The following GALNTL6 variants were observed in gnomAD, a reference collection of about 807,000 sequenced individuals.
GALNTL6 encodes the protein polypeptide N-acetylgalactosaminyltransferase like 6.
In GALNTL6, 46 loss-of-function variants were observed where a neutral mutation model predicts 73.7. The ratio of observed to expected loss-of-function variants is 0.62; its 90% confidence interval spans 0.49 to 0.80. The LOEUF (loss-of-function observed/expected upper bound fraction) is 0.80. Ranked by LOEUF, GALNTL6 falls within the 30% of genes least tolerant of loss-of-function variation. The pLI, the probability that GALNTL6 is intolerant of heterozygous loss-of-function variation, is 0.00. For synonymous variants in GALNTL6, 259 were observed against 263.7 expected, an observed-to-expected ratio of 0.98 and a Z score of 0.17; for missense variants, 604 against 755.0, an observed-to-expected ratio of 0.80 and a Z score of 2.34.
intron 10 of GALNTL6, among the ~76,000 whole-genome samples, chr4:172,994,248 A>C (rs997618711): frequency 2.0e-5 from 3 of 152,204 alleles, no homozygotes; most frequent in Non-Finnish European, 4.4e-5. Context: ...AGAAAATATC[A>C]ATCAGTTTTC....
chr4:172,749,201 A>G (rs925504280), intron 5 of GALNTL6, among the ~76,000 whole-genome samples: 1 of 152,114 alleles, frequency 6.6e-6, no homozygotes, highest in African/African-American at 2.4e-5. Flanking sequence ...CAAAAAAGGT[A>G]ATCATGTATG....
At chr4:172,022,555 T>G (rs1286130304) in intron 2 of GALNTL6, among the ~76,000 whole-genome samples, 1 of 152,072 alleles carries the variant, frequency 6.6e-6, no homozygotes, top group Non-Finnish European at 1.5e-5. Flanking sequence ...TTCTTTGTCT[T>G]CTTTAATCTC....
chr4:172,340,803 T>TG (rs1741532448), intron 4 of GALNTL6, among the ~76,000 whole-genome samples: 1 of 152,220 alleles, frequency 6.6e-6, no homozygotes, highest in Non-Finnish European at 1.5e-5. Flanking sequence ...CCTATATGAA[T>TG]GATAGGTATT....
At chr4:171,829,873 G>A (rs970066095) in intron 2 of GALNTL6, among the ~76,000 whole-genome samples, 5 of 151,956 alleles carry the variant, frequency 3.3e-5, no homozygotes, top group Non-Finnish European at 5.9e-5. Context: ...AATGGTTATC[G>A]CAAATGTAAT....
intron 11 of GALNTL6, among the ~76,000 whole-genome samples, chr4:173,016,430 A>G: frequency 6.6e-6 from 1 of 152,266 alleles, no homozygotes; most frequent in East Asian, 1.9e-4. Flanking sequence ...ACAGGGGCAG[A>G]GCTGTCCAAG....
intron 5 of GALNTL6, among the ~76,000 whole-genome samples, chr4:172,386,607 G>A (rs1339536475): frequency 1.3e-5 from 2 of 152,148 alleles, no homozygotes; most frequent in Non-Finnish European, 2.9e-5. Flanking sequence ...AACCAGAGAA[G>A]TAAGCATCAT....
intron 7 of GALNTL6, among the ~76,000 whole-genome samples, chr4:172,832,074 C>T (rs773281396): frequency 4.6e-5 from 7 of 152,106 alleles, no homozygotes; most frequent in Non-Finnish European, 7.3e-5. Flanking sequence ...TCACAGCTTT[C>T]GGCAAGGATA....
At chr4:172,819,871 G>T (rs2111019024) in intron 7 of GALNTL6, among the ~76,000 whole-genome samples, 1 of 152,214 alleles carries the variant, frequency 6.6e-6, no homozygotes, top group South Asian at 2.1e-4. Context: ...AGTGGTTAAG[G>T]AATAATCATA....
intron 5 of GALNTL6, among the ~76,000 whole-genome samples, chr4:172,767,933 G>T (rs908272902): frequency 6.6e-6 from 1 of 152,002 alleles, no homozygotes; most frequent in Non-Finnish European, 1.5e-5. Flanking sequence ...CTCCCAAAGT[G>T]CTGGGATTAC....
chr4:172,341,774 G>A (rs1291286750), intron 4 of GALNTL6, among the ~76,000 whole-genome samples: 1 of 152,062 alleles, frequency 6.6e-6, no homozygotes, highest in Admixed American at 6.5e-5. Flanking sequence ...CCAACCATAC[G>A]GAACAGTAAG....
At chr4:171,931,001 A>G (rs1461704650) in intron 2 of GALNTL6, among the ~76,000 whole-genome samples, 4 of 152,228 alleles carry the variant, frequency 2.6e-5, no homozygotes, top group Admixed American at 2.6e-4. Flanking sequence ...CTTTAGTGGG[A>G]ATCTCTTGAG....
chr4:172,255,498 T>G (rs1453804891), intron 3 of GALNTL6, among the ~76,000 whole-genome samples: 2 of 151,582 alleles, frequency 1.3e-5, no homozygotes, highest in African/African-American at 4.8e-5. Flanking sequence ...TTTACTCCAA[T>G]TAATAACTAG....
intron 5 of GALNTL6, among the ~76,000 whole-genome samples, chr4:172,626,425 C>A (rs193220992): frequency 7.5e-4 from 114 of 151,974 alleles, no homozygotes; most frequent in African/African-American, 2.2e-3. Context: ...TTATAGTATA[C>A]TTGGAAGTCT....
intron 5 of GALNTL6, among the ~76,000 whole-genome samples, chr4:172,705,653 C>A (rs1734305886): frequency 6.6e-6 from 1 of 151,884 alleles, no homozygotes; most frequent in Non-Finnish European, 1.5e-5. Context: ...TTGAAGAACT[C>A]CCTTTAGCAT....
chr4:172,386,916 G>A (rs149531161), intron 5 of GALNTL6, among the ~76,000 whole-genome samples: 2 of 152,246 alleles, frequency 1.3e-5, no homozygotes, highest in African/African-American at 4.8e-5. Flanking sequence ...ACCTGGAGAA[G>A]CCCAACCATT....
At chr4:172,980,100 A>G (rs1751001356) in intron 10 of GALNTL6, among the ~76,000 whole-genome samples, 1 of 152,194 alleles carries the variant, frequency 6.6e-6, no homozygotes, top group Non-Finnish European at 1.5e-5. Context: ...GGCCGTATTG[A>G]CTACATCTCC....
intron 3 of GALNTL6, among the ~76,000 whole-genome samples, chr4:172,272,077 C>T (rs13124902): frequency 0.34 from 52,047 of 151,750 alleles, 8,969 homozygotes; most frequent in Non-Finnish European, 0.38. Flanking sequence ...TTCAGCCTCC[C>T]GAGTAGTTGG....
At chr4:171,920,953 G>A (rs1190147472) in intron 2 of GALNTL6, among the ~76,000 whole-genome samples, 2 of 151,960 alleles carry the variant, frequency 1.3e-5, no homozygotes, top group Non-Finnish European at 2.9e-5. Flanking sequence ...TATTGTATGC[G>A]CATTGTAAAA....
intron 10 of GALNTL6, among the ~76,000 whole-genome samples, chr4:172,988,674 GT>G (rs1431680447): frequency 6.6e-6 from 1 of 152,248 alleles, no homozygotes; most frequent in Non-Finnish European, 1.5e-5. Flanking sequence ...GGGAGGTATG[GT>G]TTCATGGGCC....
Sources: gnomAD v4.1 joint callset for allele counts (sites outside exome capture counted in the v4.1 genomes callset) on GRCh38, gnomAD v4.1.1 for gene constraint, MANE v1.5 for transcripts, NCBI Gene and HGNC (gene_info 2026-07-23, HGNC 2026-07-21) for gene names.